The following MCTP1 variants were observed in gnomAD, a reference collection of about 807,000 sequenced individuals.
MCTP1 encodes multiple C2 and transmembrane domain containing 1, also known as multiple C2 and transmembrane domain-containing protein 1.
MCTP1 carries 69 observed loss-of-function variants against 120.6 expected under a neutral mutation model. The ratio of observed to expected loss-of-function variants is 0.57; its 90% CI spans 0.47 to 0.70. The LOEUF (loss-of-function observed/expected upper bound fraction) is 0.70. Ranked by LOEUF, MCTP1 falls within the 30% of genes least tolerant of loss-of-function variation. The pLI is 0.00. For synonymous variants in MCTP1, 529 were observed against 493.1 expected (o/e 1.07, Z -0.96); for missense variants, 1,203 against 1,248.8 (o/e 0.96, Z 0.55).
chr5:95,219,705 T>A (rs1398554777), intron 1 of MCTP1, among the ~76,000 whole-genome samples: 1 of 152,200 alleles, frequency 6.6e-6, no homozygotes, highest in Non-Finnish European at 1.5e-5. Flanking sequence ...ATCTTCAGTG[T>A]CCTGGTGAGC....
chr5:94,928,209 A>AACAC (rs60502360), intron 6 of MCTP1, among the ~76,000 whole-genome samples: 5,198 of 148,486 alleles, frequency 0.035, 150 homozygotes, highest in African/African-American at 0.08. Context: ...TCTAGGTTAA[A>AACAC]ACACACACAC....
chr5:95,022,747 A>G (rs1318191465), intron 1 of MCTP1, among the ~76,000 whole-genome samples: 5 of 152,162 alleles, frequency 3.3e-5, no homozygotes, highest in Non-Finnish European at 7.4e-5. Context: ...ATACCCTTAG[A>G]ATCCTTCTCA....
intron 2 of MCTP1, among the ~76,000 whole-genome samples, chr5:95,009,536 A>G (rs1246674441): frequency 3.3e-5 from 5 of 151,588 alleles, no homozygotes; most frequent in Non-Finnish European, 7.4e-5. Context: ...AAAATTTACT[A>G]TATGTATGCC....
intron 1 of MCTP1, among the ~76,000 whole-genome samples, chr5:95,040,305 G>T (rs541329564): frequency 2.0e-5 from 3 of 152,050 alleles, no homozygotes; most frequent in African/African-American, 7.2e-5. Flanking sequence ...AGGCATGGTG[G>T]TTCACACTTG....
At chr5:94,896,235 G>A (rs1451133557) in intron 10 of MCTP1, among the ~76,000 whole-genome samples, 1 of 152,110 alleles carries the variant, frequency 6.6e-6, no homozygotes, top group African/African-American at 2.4e-5. Flanking sequence ...GAAAAAAAAG[G>A]TATTATCTTT....
intron 2 of MCTP1, among the ~76,000 whole-genome samples, chr5:95,011,715 T>C (rs558452216): frequency 6.6e-6 from 1 of 152,266 alleles, no homozygotes; most frequent in African/African-American, 2.4e-5. Flanking sequence ...CTGTTAAGCC[T>C]GTGGAACTGT....
In MCTP1 at chr5:94,966,469, G is replaced by C. The variant is rs1157432976; in HGVS notation, c.839-13108C>G. Among the ~76,000 whole-genome samples the C allele has an allele frequency of 3.8e-4, 58 of 152,034 alleles. 1 individual carries two copies. The highest frequency in any genetic ancestry group is 3.6e-3 in the Admixed American group (55 of 15,262). ...TTTTATAGATGAGAAAACCAAGAAGGGTTAATAACTTGCTCCAAGTCATAC... is the reference window on the plus strand; with the variant it reads ...TTTTATAGATGAGAAAACCAAGAAGCGTTAATAACTTGCTCCAAGTCATAC... On this transcript the variant is annotated intron_variant, in intron 2 of 22. Transcript: ENST00000515393.
intron 1 of MCTP1, among the ~76,000 whole-genome samples, chr5:95,180,378 T>C (rs1374135516): frequency 6.6e-6 from 1 of 152,240 alleles, no homozygotes; most frequent in Non-Finnish European, 1.5e-5. Flanking sequence ...CCTGTCTAGG[T>C]CCAGATTGAT....
intron 19 of MCTP1, among the ~76,000 whole-genome samples, chr5:94,747,054 T>C (rs556489967): frequency 2.6e-5 from 4 of 152,348 alleles, no homozygotes; most frequent in South Asian, 2.1e-4. Context: ...TTTCCAGCTT[T>C]TTTTTTAGGC....
intron 2 of MCTP1, among the ~76,000 whole-genome samples, chr5:94,954,159 CATATATATACATATATATATATGCAT>C (rs1561918811): frequency 2.6e-5 from 2 of 78,288 alleles, no homozygotes; most frequent in Admixed American, 1.5e-4. Context: ...TATATATATG[CATATATATACATATATATATATGCAT>C]ATATATATAT....
chr5:95,274,769 GC>G (rs1481587163), intron 1 of MCTP1, among the ~76,000 whole-genome samples: 1 of 151,842 alleles, frequency 6.6e-6, no homozygotes, highest in African/African-American at 2.4e-5. Flanking sequence ...GACTACAGGC[GC>G]CCACCACCAT....
chr5:95,218,000 T>C (rs1375482968), intron 1 of MCTP1, among the ~76,000 whole-genome samples: 1 of 152,192 alleles, frequency 6.6e-6, no homozygotes, highest in Non-Finnish European at 1.5e-5. Context: ...AGATATGACG[T>C]ATTGTCCAAA....
chr5:94,963,471 TTTC>T (rs1361275085), intron 2 of MCTP1, among the ~76,000 whole-genome samples: 1 of 122,588 alleles, frequency 8.2e-6, no homozygotes, highest in Non-Finnish European at 1.8e-5. Context: ...CAACACTTGT[TTTC>T]TTTTTTTTTT....
chr5:94,734,629 G>A (rs1763806555), intron 19 of MCTP1, among the ~76,000 whole-genome samples: 2 of 152,064 alleles, frequency 1.3e-5, no homozygotes, highest in South Asian at 4.1e-4. Flanking sequence ...GCGAATTTTT[G>A]TACATTTTGG....
rs373094619 is a variant in MCTP1, at chr5:95,008,330, C to G, written c.838+9037G>C. Among the ~76,000 whole-genome samples, 23 of 152,114 alleles carry G rather than the reference C, an allele frequency of 1.5e-4. 1 individual carries two copies. The highest frequency in any genetic ancestry group is 1.0e-3 in the Admixed American group (16 of 15,262). ...CCCCTTCATTGGAGAAACCCTATAT[C>G]TTAACCCCCTCACCCCTTACCAATT... is the stretch of plus-strand genomic sequence containing the variant. On this transcript the variant is annotated intron_variant, in intron 2 of 22. Transcript: ENST00000515393.
chr5:95,093,020 T>C (rs1274166352), intron 1 of MCTP1, among the ~76,000 whole-genome samples: 1 of 152,204 alleles, frequency 6.6e-6, no homozygotes, highest in Non-Finnish European at 1.5e-5. Flanking sequence ...TTTGGATTCA[T>C]AGAAAACCCA....
intron 1 of MCTP1, among the ~76,000 whole-genome samples, chr5:95,250,985 T>C (rs1392438241): frequency 6.6e-6 from 1 of 152,168 alleles, no homozygotes; most frequent in African/African-American, 2.4e-5. Context: ...TGAGATGTTA[T>C]TATGCTCCAG....
At chr5:94,826,105 T>C in intron 17 of MCTP1, 1 of 314,304 alleles carries the variant, frequency 3.2e-6, no homozygotes, top group Non-Finnish European at 6.3e-6. Flanking sequence ...TGAAGCATTT[T>C]CCAACAGTAC....
At chr5:95,208,469 G>A (rs959700362) in intron 1 of MCTP1, among the ~76,000 whole-genome samples, 2 of 152,060 alleles carry the variant, frequency 1.3e-5, no homozygotes, top group African/African-American at 4.8e-5. Flanking sequence ...CTGTACAGAA[G>A]TATTTTATAG....
Sources: gnomAD v4.1 joint callset for allele counts (sites outside exome capture counted in the v4.1 genomes callset) on GRCh38, gnomAD v4.1.1 for gene constraint, MANE v1.5 for transcripts, NCBI Gene and HGNC (gene_info 2026-07-23, HGNC 2026-07-21) for gene names.